Variants in BICC1 observed in about 807,000 individuals in gnomAD.
BICC1 encodes the protein BicC family RNA binding protein 1, also known as protein bicaudal C homolog 1.
BICC1 carries 43 observed loss-of-function variants against 111.0 expected under a neutral mutation model. The observed-to-expected ratio is 0.39, with a 90% confidence interval of 0.30 to 0.50. The LOEUF is 0.50. Among genes scored for constraint, BICC1 ranks in the 20% least tolerant of loss-of-function variants. BICC1 has a pLI of 0.88. For missense variants in BICC1, 1,091 were observed against 1,203.2 expected, an observed-to-expected ratio of 0.91 and a Z score of 1.38; for synonymous variants, 467 against 434.4, an observed-to-expected ratio of 1.07 and a Z score of -0.93.
At chr10:58,638,383 A>G (rs1377471982) in intron 2 of BICC1, among the ~76,000 whole-genome samples, 1 of 152,178 alleles carries the variant, frequency 6.6e-6, no homozygotes, top group African/African-American at 2.4e-5. Flanking sequence ...GGATAAGTGT[A>G]TTCTTTTCAA....
intron 19 of BICC1, among the ~76,000 whole-genome samples, chr10:58,818,852 G>T (rs2132963424): frequency 6.6e-6 from 1 of 152,178 alleles, no homozygotes; most frequent in East Asian, 1.9e-4. Flanking sequence ...ATGTGTCCAG[G>T]CACAGAAGGT....
chr10:58,586,807 A>G (rs905437680), intron 1 of BICC1, among the ~76,000 whole-genome samples: 1 of 152,130 alleles, frequency 6.6e-6, no homozygotes. Flanking sequence ...ATCTGGAAAT[A>G]TGTATGTTTA....
At chr10:58,648,447 T>C (rs1838335892) in intron 2 of BICC1, 4 of 925,296 alleles carry the variant, frequency 4.3e-6, no homozygotes, top group Non-Finnish European at 5.2e-6. Context: ...AGGCATTTAT[T>C]ATACACAGAG....
Position 58,707,364 on chromosome 10 carries a change from C to T in BICC1, c.307+5221C>T, listed in dbSNP as rs999115638. ...AGTTGTACTTAAAGGGCTGAGGGCA[C>T]GGAAGAGGCATGGCAGGGCATGGCA... On this transcript the variant is annotated intron_variant, in intron 3 of 20. Coordinates refer to ENST00000373886, the MANE Select transcript of BICC1 (RefSeq NM_001080512.3). Among the ~76,000 whole-genome samples the T allele has an allele frequency of 4.6e-5, 7 of 151,894 alleles. No homozygotes were observed. In the East Asian group the frequency reaches 5.8e-4, roughly 13 times the overall value.
chr10:58,657,285 T>G (rs1554818353), intron 2 of BICC1, among the ~76,000 whole-genome samples: 1 of 152,192 alleles, frequency 6.6e-6, no homozygotes, highest in Non-Finnish European at 1.5e-5. Context: ...GTGCACCATC[T>G]TCTCACTCAT....
intron 3 of BICC1, among the ~76,000 whole-genome samples, chr10:58,759,347 T>G (rs7912131): frequency 0.28 from 42,070 of 151,892 alleles, 6,794 homozygotes; most frequent in East Asian, 0.47. Context: ...ACAAAAAGAT[T>G]TATGAAACCT....
At chr10:58,794,076 G>A (rs1244367673) in intron 9 of BICC1, among the ~76,000 whole-genome samples, 5 of 151,922 alleles carry the variant, frequency 3.3e-5, no homozygotes, top group Admixed American at 1.3e-4. Context: ...AGTTAAATGA[G>A]AAGGAAAGAA....
intron 2 of BICC1, among the ~76,000 whole-genome samples, chr10:58,638,967 A>G (rs539619623): frequency 5.3e-5 from 8 of 150,718 alleles, no homozygotes; most frequent in African/African-American, 1.7e-4. Flanking sequence ...CAGTTGACAA[A>G]TAAAAATTGT....
chr10:58,531,188 G>C (rs1564473823), intron 1 of BICC1, among the ~76,000 whole-genome samples: 1 of 151,796 alleles, frequency 6.6e-6, no homozygotes, highest in Non-Finnish European at 1.5e-5. Context: ...TTGGAGTGCT[G>C]ATGAGGAATA....
In BICC1 at chr10:58,737,866, T is replaced by G. The variant is rs576923285; in HGVS notation, c.307+35723T>G. ...ATGATGAGCATTTTTTCATGTGTCT[T>G]TTGGCTGCATAAATGTCTTCTTTTG... On this transcript the variant is annotated intron_variant, in intron 3 of 20. Coordinates refer to ENST00000373886, the MANE Select transcript of BICC1 (RefSeq NM_001080512.3). Among the ~76,000 whole-genome samples the G allele has an allele frequency of 1.1e-4, 17 of 152,346 alleles. 1 individual carries two copies. The South Asian group carries it at 3.1e-3, about 28-fold the overall frequency.
intron 3 of BICC1, among the ~76,000 whole-genome samples, chr10:58,758,749 C>T (rs912011207): frequency 4.6e-5 from 7 of 151,992 alleles, no homozygotes; most frequent in Non-Finnish European, 7.4e-5. Flanking sequence ...TGAAACATTT[C>T]TGTTTTGGGG....
intron 1 of BICC1, among the ~76,000 whole-genome samples, chr10:58,528,632 GA>G (rs1034037311): frequency 4.6e-5 from 7 of 151,856 alleles, no homozygotes; most frequent in Non-Finnish European, 8.8e-5. Context: ...GAGTTAGAGG[GA>G]AATAAACCAC....
chr10:58,718,915 A>G (rs73297895), intron 3 of BICC1, among the ~76,000 whole-genome samples: 5,699 of 152,252 alleles, frequency 0.037, 397 homozygotes, highest in African/African-American at 0.13. Context: ...AGATGATACA[A>G]TAAGTTGTTT....
chr10:58,787,099 A>G lies in BICC1; in HGVS notation c.546+18A>G, dbSNP rs750904316. ...GCAACCAGGTGGTTTGTCTTTTCAC[A>G]TGAACTTTTATGGGATGAATTACAG... is the stretch of plus-strand genomic sequence containing the variant. On this transcript the variant is annotated intron_variant, in intron 5 of 20. Coordinates refer to ENST00000373886, the MANE Select transcript of BICC1 (RefSeq NM_001080512.3). 2.6e-6 allele frequency: 4 copies of G among 1,549,850 alleles called. No individual in the cohort carries two copies. Among genetic ancestry groups the G allele is most frequent in the Non-Finnish European group, 3.5e-6 (4 of 1,154,196 alleles).
At chr10:58,652,927 G>A (rs182302164) in intron 2 of BICC1, among the ~76,000 whole-genome samples, 110 of 152,218 alleles carry the variant, frequency 7.2e-4, no homozygotes, top group African/African-American at 2.5e-3. Context: ...AGTCTTCACA[G>A]CTAGAAATCT....
intron 2 of BICC1, among the ~76,000 whole-genome samples, chr10:58,625,832 T>C (rs1845973501): frequency 6.6e-6 from 1 of 152,206 alleles, no homozygotes; most frequent in South Asian, 2.1e-4. Flanking sequence ...AGTCCTTTTA[T>C]TGAGGGGCAG....
chr10:58,604,903 A>G (rs1378469560), intron 1 of BICC1, among the ~76,000 whole-genome samples: 1 of 152,136 alleles, frequency 6.6e-6, no homozygotes, highest in Non-Finnish European at 1.5e-5. Flanking sequence ...GACTTTCTGG[A>G]TCAGAGACAG....
chr10:58,541,898 G>A (rs1245722930), intron 1 of BICC1, among the ~76,000 whole-genome samples: 1 of 151,808 alleles, frequency 6.6e-6, no homozygotes, highest in Non-Finnish European at 1.5e-5. Flanking sequence ...ACCTGTAATC[G>A]CAGCACTTTG....
At chr10:58,513,560 T>C (rs1316016286) in intron 1 of BICC1, among the ~76,000 whole-genome samples, 1 of 152,202 alleles carries the variant, frequency 6.6e-6, no homozygotes, top group Non-Finnish European at 1.5e-5. Context: ...CTGTGCGAAC[T>C]TGACTGGCTT....
Sources: gnomAD v4.1 joint callset for allele counts (sites outside exome capture counted in the v4.1 genomes callset) on GRCh38, gnomAD v4.1.1 for gene constraint, MANE v1.5 for transcripts, NCBI Gene and HGNC (gene_info 2026-07-23, HGNC 2026-07-21) for gene names.